DAB1: variants seen among roughly 807,000 people sequenced by gnomAD.
DAB1 encodes DAB adaptor protein 1, also known as disabled homolog 1.
Under a neutral mutation model 64.6 loss-of-function variants are expected in DAB1, and 15 were observed. The observed-to-expected ratio is 0.23, with a 90% CI of 0.16 to 0.36. DAB1 has a LOEUF of 0.36. DAB1 is among the 10% of genes least tolerant of loss of function. The probability of loss-of-function intolerance (pLI) is 1.00; values close to 1 mark genes in which losing one functional copy is unlikely to be tolerated. For missense variants in DAB1, 596 were observed against 706.7 expected (o/e 0.84, Z 1.78); for synonymous variants, 235 against 251.9 (o/e 0.93, Z 0.64).
At chr1:57,472,300 G>A (rs770883616) in intron 7 of DAB1, among the ~76,000 whole-genome samples, 1 of 152,226 alleles carries the variant, frequency 6.6e-6, no homozygotes, top group Non-Finnish European at 1.5e-5. Flanking sequence ...CATTCCAGAA[G>A]AGCAGCAATG....
exon 2 of DAB1, chr1:57,826,223 T>C (rs1031230017): frequency 1.3e-5 from 2 of 152,252 alleles, no homozygotes; most frequent in African/African-American, 4.8e-5. Flanking sequence ...GTTTATTGAG[T>C]TCCTACTTTG....
intron 7 of DAB1, among the ~76,000 whole-genome samples, chr1:57,643,215 T>C (rs1013648164): frequency 6.6e-6 from 1 of 152,192 alleles, no homozygotes; most frequent in African/African-American, 2.4e-5. Flanking sequence ...CTGCCTATGT[T>C]GCACTTTAAG....
chr1:58,090,555 T>A (rs1238794776), intron 5 of DAB1, among the ~76,000 whole-genome samples: 2 of 152,206 alleles, frequency 1.3e-5, no homozygotes, highest in Non-Finnish European at 2.9e-5. Context: ...CTTTTCCCTA[T>A]CTCCCTTTCT....
At chr1:57,992,022 G>A (rs556049691) in intron 5 of DAB1, among the ~76,000 whole-genome samples, 2 of 152,190 alleles carry the variant, frequency 1.3e-5, no homozygotes. Flanking sequence ...CATGCAGTCA[G>A]CCAGAGCTCG....
In DAB1 at chr1:58,425,412, C is replaced by T. The variant is rs1266884868; in HGVS notation, n.257+80648G>A. On this transcript the variant is annotated intron_variant and non_coding_transcript_variant, in intron 3 of 20. Coordinates refer to the DAB1 transcript ENST00000485760. ...CCTAGGCTAGCTTTGTGTGCCAGTG[C>T]CTTCTCTTAGTATTTGCCTAAGCTA... 5.3e-5 allele frequency among the ~76,000 whole-genome samples: 8 copies of T among 152,208 alleles called. 1 individual carries two copies. The South Asian group carries it at 6.2e-4, about 12-fold the overall frequency.
intron 14 of DAB1, among the ~76,000 whole-genome samples, chr1:57,006,502 A>T (rs146833262): frequency 1.1e-4 from 16 of 152,246 alleles, no homozygotes; most frequent in Admixed American, 3.3e-4. Flanking sequence ...GCTTTTAAAC[A>T]TCTCTTGGCA....
chr1:58,197,293 T>C (rs572585949), intron 4 of DAB1, among the ~76,000 whole-genome samples: 3 of 152,270 alleles, frequency 2.0e-5, no homozygotes, highest in East Asian at 1.9e-4. Flanking sequence ...AAGATGGATA[T>C]AGCAGATATG....
chr1:57,872,164 A>G (rs183451993), intron 1 of DAB1, among the ~76,000 whole-genome samples: 9 of 152,340 alleles, frequency 5.9e-5, no homozygotes, highest in Admixed American at 5.9e-4. Flanking sequence ...GTTAAATACT[A>G]TAATAGAAGT....
At chr1:58,243,759 C>T (rs548212149) in intron 4 of DAB1, among the ~76,000 whole-genome samples, 12 of 151,980 alleles carry the variant, frequency 7.9e-5, no homozygotes, top group African/African-American at 2.4e-4. Context: ...TTCTGATCAC[C>T]GTATTATAAA....
intron 5 of DAB1, among the ~76,000 whole-genome samples, chr1:57,976,647 A>G (rs1458181984): frequency 6.6e-6 from 1 of 152,168 alleles, no homozygotes; most frequent in Non-Finnish European, 1.5e-5. Context: ...GGTGCATATC[A>G]CTATGTGACA....
chr1:57,615,199 C>T (rs1464060072), intron 7 of DAB1, among the ~76,000 whole-genome samples: 4 of 152,190 alleles, frequency 2.6e-5, no homozygotes, highest in African/African-American at 4.8e-5. Context: ...AGAGAATATT[C>T]TTCCAGGCCT....
At chr1:57,529,881 T>C (rs890789873) in intron 7 of DAB1, among the ~76,000 whole-genome samples, 2 of 152,162 alleles carry the variant, frequency 1.3e-5, no homozygotes, top group African/African-American at 4.8e-5. Flanking sequence ...TCTAGCTTCA[T>C]TTACCCATGT....
At chr1:57,817,621 C>T (rs957726718) in intron 6 of DAB1, among the ~76,000 whole-genome samples, 2 of 152,212 alleles carry the variant, frequency 1.3e-5, no homozygotes, top group African/African-American at 2.4e-5. Context: ...GCAACACTGG[C>T]TCTTCTTCTG....
chr1:57,963,451 C>G (rs944275821), intron 5 of DAB1, among the ~76,000 whole-genome samples: 43 of 152,318 alleles, frequency 2.8e-4, no homozygotes, highest in African/African-American at 9.6e-4. Flanking sequence ...CACCGTTATT[C>G]TCTCTCCATC....
intron 9 of DAB1, among the ~76,000 whole-genome samples, chr1:57,049,700 G>T (rs949530414): frequency 6.6e-6 from 1 of 151,962 alleles, no homozygotes; most frequent in Non-Finnish European, 1.5e-5. Context: ...GCCCTCACAT[G>T]CCTCCCCTTA....
intron 2 of DAB1, among the ~76,000 whole-genome samples, chr1:58,513,015 A>T (rs1433513690): frequency 6.6e-6 from 1 of 152,142 alleles, no homozygotes. Flanking sequence ...ATTATAGAAA[A>T]CTAAGAACTT....
At chr1:57,400,564 T>C (rs1683162403) in intron 1 of DAB1, among the ~76,000 whole-genome samples, 1 of 152,098 alleles carries the variant, frequency 6.6e-6, no homozygotes, top group South Asian at 2.1e-4. Context: ...TTTTTTTTTT[T>C]TTTTAACAAG....
At chr1:58,414,950 AC>A (rs1410897434) in intron 3 of DAB1, among the ~76,000 whole-genome samples, 1 of 152,220 alleles carries the variant, frequency 6.6e-6, no homozygotes. Context: ...CAAATGTGTC[AC>A]AAGGTTGCGT....
At chr1:57,046,487 GAGAA>G (rs1162619102) in intron 9 of DAB1, among the ~76,000 whole-genome samples, 2 of 152,114 alleles carry the variant, frequency 1.3e-5, no homozygotes, top group African/African-American at 4.8e-5. Context: ...GGCAGTTAAG[GAGAA>G]AGAAAGAACC....
Sources: allele counts gnomAD v4.1 joint callset (sites outside exome capture counted in the v4.1 genomes callset), GRCh38; gene constraint gnomAD v4.1.1; transcripts MANE v1.5; gene names NCBI Gene and HGNC (gene_info 2026-07-23, HGNC 2026-07-21).